Variants in GALNT13 observed in about 807,000 individuals in gnomAD.
GALNT13 encodes the protein polypeptide N-acetylgalactosaminyltransferase 13.
GALNT13 carries 28 observed loss-of-function variants against 64.2 expected under a neutral mutation model. The ratio of observed to expected loss-of-function variants is 0.44; its 90% CI spans 0.32 to 0.60. GALNT13 has a LOEUF of 0.60. Among genes scored for constraint, GALNT13 ranks in the 20% least tolerant of loss-of-function variants. The pLI is 0.05. For missense variants in GALNT13, 577 were observed against 669.8 expected (o/e 0.86, Z 1.53); for synonymous variants, 214 against 224.6 (o/e 0.95, Z 0.42).
At chr2:154,268,986 A>G (rs1321302236) in intron 8 of GALNT13, among the ~76,000 whole-genome samples, 1 of 152,106 alleles carries the variant, frequency 6.6e-6, no homozygotes, top group Non-Finnish European at 1.5e-5. Flanking sequence ...CTTGCAAATC[A>G]CAGTGAAAAC....
At chr2:153,231,384 G>GA in the GALNT13 span, among the ~76,000 whole-genome samples, 2 of 152,192 alleles carry the variant, frequency 1.3e-5, no homozygotes, top group African/African-American at 4.8e-5. Flanking sequence ...ATATGATACT[G>GA]ATGTCAGTAT....
intron 2 of GALNT13, among the ~76,000 whole-genome samples, chr2:153,942,770 T>G (rs902264292): frequency 1.3e-5 from 2 of 152,126 alleles, no homozygotes; most frequent in African/African-American, 4.8e-5. Context: ...GTTACAATAA[T>G]TATTTTGTAA....
chr2:153,722,105 A>G, the GALNT13 span, among the ~76,000 whole-genome samples: 2 of 148,152 alleles, frequency 1.3e-5, no homozygotes, highest in Non-Finnish European at 3.0e-5. Context: ...ATAACAAACT[A>G]TCTCTCAGAC....
intron 4 of GALNT13, among the ~76,000 whole-genome samples, chr2:154,155,403 A>G (rs913705571): frequency 6.6e-6 from 1 of 152,068 alleles, no homozygotes; most frequent in Non-Finnish European, 1.5e-5. Flanking sequence ...AAGAAAGCAG[A>G]TAGTTTTGTT....
intron 3 of GALNT13, among the ~76,000 whole-genome samples, chr2:154,028,471 C>G (rs10931880): frequency 0.58 from 87,479 of 151,846 alleles, 26,709 homozygotes; most frequent in East Asian, 0.96. Context: ...CCATCCTCTT[C>G]TTTCTACTTA....
At chr2:154,053,817 G>A (rs1003332578) in intron 3 of GALNT13, among the ~76,000 whole-genome samples, 2 of 152,162 alleles carry the variant, frequency 1.3e-5, no homozygotes, top group African/African-American at 4.8e-5. Context: ...TTTGTAAGGT[G>A]AGTCAATCTT....
the GALNT13 span, among the ~76,000 whole-genome samples, chr2:153,713,299 G>T: frequency 6.6e-6 from 1 of 152,032 alleles, no homozygotes; most frequent in Admixed American, 6.6e-5. Flanking sequence ...GGACTAACTG[G>T]CTTGAGAGCC....
intron 9 of GALNT13, among the ~76,000 whole-genome samples, chr2:154,340,058 A>T (rs752426015): frequency 6.6e-6 from 1 of 152,174 alleles, no homozygotes. Flanking sequence ...GTAGAATGGA[A>T]AGAATCACAA....
intron 2 of GALNT13, among the ~76,000 whole-genome samples, chr2:153,916,764 A>G (rs1266953073): frequency 6.6e-6 from 1 of 150,532 alleles, no homozygotes; most frequent in Non-Finnish European, 1.5e-5. Flanking sequence ...GTGTCTATAA[A>G]TGACTAATAC....
the GALNT13 span, among the ~76,000 whole-genome samples, chr2:153,695,518 A>C: frequency 0.064 from 9,766 of 152,184 alleles, 586 homozygotes; most frequent in African/African-American, 0.16. Context: ...ATTAAGTAAG[A>C]AGCATGATCA....
chr2:154,279,082 A>C (rs540598249), intron 8 of GALNT13, among the ~76,000 whole-genome samples: 4 of 152,300 alleles, frequency 2.6e-5, no homozygotes, highest in Non-Finnish European at 5.9e-5. Flanking sequence ...ATGGTATAGC[A>C]ATAAAGAATA....
chr2:153,365,267 A>G, the GALNT13 span, among the ~76,000 whole-genome samples: 1 of 152,164 alleles, frequency 6.6e-6, no homozygotes, highest in Non-Finnish European at 1.5e-5. Flanking sequence ...ACTTAAATGT[A>G]AAACCCAAAA....
At chr2:153,482,394 A>G in the GALNT13 span, among the ~76,000 whole-genome samples, 1 of 152,230 alleles carries the variant, frequency 6.6e-6, no homozygotes, top group African/African-American at 2.4e-5. Flanking sequence ...CTAAATGGCA[A>G]GTAGACTACA....
chr2:153,886,009 CAG>C (rs773387283), intron 1 of GALNT13, among the ~76,000 whole-genome samples: 30 of 151,614 alleles, frequency 2.0e-4, no homozygotes, highest in Non-Finnish European at 4.4e-4. Flanking sequence ...GAGAGAGAGA[CAG>C]AGAGAGAGAA....
the GALNT13 span, among the ~76,000 whole-genome samples, chr2:153,339,334 A>T: frequency 0.37 from 55,911 of 151,972 alleles, 11,837 homozygotes; most frequent in African/African-American, 0.58. Context: ...CAATATCTCA[A>T]TGTGGTTTTA....
chr2:153,345,671 C>CT, the GALNT13 span, among the ~76,000 whole-genome samples: 6 of 140,242 alleles, frequency 4.3e-5, no homozygotes, highest in Non-Finnish European at 6.2e-5. Flanking sequence ...TTCTTTCTTT[C>CT]TTTCTTTCTT....
chr2:153,737,022 A>G, the GALNT13 span, among the ~76,000 whole-genome samples: 10 of 152,266 alleles, frequency 6.6e-5, no homozygotes, highest in Middle Eastern at 3.4e-3. Context: ...TTGGGATCCA[A>G]TATTCTATGT....
chr2:153,836,410 G>C, the GALNT13 span, among the ~76,000 whole-genome samples: 2 of 151,824 alleles, frequency 1.3e-5, no homozygotes, highest in Admixed American at 1.3e-4. Flanking sequence ...CTACACATTA[G>C]ATCTTCAGAA....
chr2:154,393,322 G>C (rs926380557), intron 9 of GALNT13, among the ~76,000 whole-genome samples: 3 of 152,168 alleles, frequency 2.0e-5, no homozygotes, highest in Non-Finnish European at 2.9e-5. Context: ...CTCAGTCCCT[G>C]TGGCAAAGGA....
Sources: gnomAD v4.1 joint callset for allele counts (sites outside exome capture counted in the v4.1 genomes callset) on GRCh38, gnomAD v4.1.1 for gene constraint, MANE v1.5 for transcripts, NCBI Gene and HGNC (gene_info 2026-07-23, HGNC 2026-07-21) for gene names.